DLG2: variants seen among roughly 807,000 people sequenced by gnomAD.
The protein encoded by DLG2 is discs large MAGUK scaffold protein 2.
Under a neutral mutation model 132.5 loss-of-function variants are expected in DLG2, and 45 were observed. That is an observed-to-expected ratio of 0.34 (90% CI 0.27 to 0.44). The LOEUF is 0.44. Among genes scored for constraint, DLG2 ranks in the 20% least tolerant of loss-of-function variants. The pLI, the probability that DLG2 is intolerant of heterozygous loss-of-function variation, is 1.00. For synonymous variants in DLG2, 424 were observed against 419.6 expected (o/e 1.01, Z -0.13); for missense variants, 1,045 against 1,196.9 (o/e 0.87, Z 1.87).
chr11:85,551,263 T>C (rs1394081406), intron 3 of DLG2, among the ~76,000 whole-genome samples: 3 of 152,280 alleles, frequency 2.0e-5, no homozygotes, highest in African/African-American at 4.8e-5. Flanking sequence ...AGAAGCAGAA[T>C]GGTTAAGCCA....
chr11:85,523,041 C>T (rs1565631093), intron 3 of DLG2, among the ~76,000 whole-genome samples: 3 of 152,064 alleles, frequency 2.0e-5, no homozygotes, highest in Non-Finnish European at 4.4e-5. Flanking sequence ...GTGTCCCCAC[C>T]CAAATGTCAT....
At chr11:85,254,784 A>C in intron 4 of DLG2, among the ~76,000 whole-genome samples, 1 of 152,108 alleles carries the variant, frequency 6.6e-6, no homozygotes. Context: ...GAGGATCATG[A>C]GGTCAGGAGA....
Position 83,484,244 on chromosome 11 carries a change from G to A in DLG2, c.2194-16C>T. On this transcript the variant is annotated splice_polypyrimidine_tract_variant and intron_variant, in intron 21 of 27. Transcript: ENST00000376104. ...CATTGAATGACTGTGAAGGAGAAAA[G>A]GCATGGGGCAAAAACAGGGGACGTC... The A allele has an allele frequency of 6.3e-7, 1 of 1,588,374 alleles. No homozygotes were observed. The highest frequency in any genetic ancestry group is 1.1e-5 in the South Asian group (1 of 89,586).
At chr11:84,041,510 T>C (rs2096078458) in intron 11 of DLG2, among the ~76,000 whole-genome samples, 1 of 151,938 alleles carries the variant, frequency 6.6e-6, no homozygotes, top group Non-Finnish European at 1.5e-5. Flanking sequence ...AAATGGCATC[T>C]TGTACTTTTA....
intron 6 of DLG2, among the ~76,000 whole-genome samples, chr11:84,574,310 A>C (rs891004678): frequency 6.6e-6 from 1 of 152,134 alleles, no homozygotes; most frequent in African/African-American, 2.4e-5. Context: ...TGTTATATAC[A>C]AGATGTTACA....
In DLG2 at chr11:84,691,656, C is replaced by CT. The variant is rs372270141; in HGVS notation, c.358-156926dup. ...CTATATTGTTATTAATTCAGTTTAG[C>CT]TTTTTTTTTTCTGGCTCAACTATAA... On this transcript the variant is annotated intron_variant, in intron 6 of 27. Coordinates refer to ENST00000376104, the MANE Select transcript of DLG2 (RefSeq NM_001142699.3). Among the ~76,000 whole-genome samples the CT allele has an allele frequency of 6.6e-4, 98 of 147,472 alleles. 1 individual carries two copies. The highest frequency in any genetic ancestry group is 5.8e-3 in the East Asian group (29 of 5,040).
At chr11:84,369,941 T>C (rs1163904243) in intron 7 of DLG2, among the ~76,000 whole-genome samples, 1 of 152,162 alleles carries the variant, frequency 6.6e-6, no homozygotes. Flanking sequence ...ACAGAAGCTA[T>C]TTCACTTGTT....
chr11:83,965,578 T>C, intron 12 of DLG2, 110 bp from the exon 13 acceptor site: 1 of 845,060 alleles, frequency 1.2e-6, no homozygotes, highest in Non-Finnish European at 1.8e-6. Context: ...CTGTCCAGTA[T>C]CCTTGACATA....
chr11:84,980,022 G>A (rs2055509837), intron 6 of DLG2, among the ~76,000 whole-genome samples: 1 of 151,794 alleles, frequency 6.6e-6, no homozygotes, highest in Non-Finnish European at 1.5e-5. Context: ...AGGTTTTCAA[G>A]GGTTTCAAAA....
At chr11:84,444,920 C>A (rs610289) in intron 7 of DLG2, among the ~76,000 whole-genome samples, 53,492 of 151,622 alleles carry the variant, frequency 0.35, 14,345 homozygotes, top group African/African-American at 0.75. Context: ...CTCCTGCCTC[C>A]GCCTCCCGAA....
intron 6 of DLG2, among the ~76,000 whole-genome samples, chr11:85,104,579 T>C (rs1489507781): frequency 6.6e-6 from 1 of 151,784 alleles, no homozygotes; most frequent in Non-Finnish European, 1.5e-5. Context: ...TGCTAATGGA[T>C]GTAGAGTTTC....
At chr11:83,535,792 A>T (rs2095864327) in intron 20 of DLG2, among the ~76,000 whole-genome samples, 2 of 152,212 alleles carry the variant, frequency 1.3e-5, no homozygotes, top group South Asian at 4.1e-4. Context: ...AAGTTGCAAC[A>T]TATAATTATT....
At chr11:84,363,921 T>G (rs1470226917) in intron 7 of DLG2, among the ~76,000 whole-genome samples, 1 of 152,156 alleles carries the variant, frequency 6.6e-6, no homozygotes, top group African/African-American at 2.4e-5. Flanking sequence ...AGCCTTGTAG[T>G]ATAGTTTGAA....
intron 19 of DLG2, among the ~76,000 whole-genome samples, chr11:83,588,053 G>C: frequency 6.6e-6 from 1 of 152,336 alleles, no homozygotes; most frequent in Non-Finnish European, 1.5e-5. Context: ...AGCGAGGCTA[G>C]GGGAGGGGCG....
chr11:83,724,474 T>TGAGAGAGA lies in DLG2; in HGVS notation c.1825+62215_1825+62216insTCTCTCTC, dbSNP rs780541498. On this transcript the variant is annotated intron_variant, in intron 18 of 27. Transcript: ENST00000376104. Reference sequence around the variant, plus strand: ...CTCTCTCTCCGTGTGTGTGTGTGTGTGTGAGAGAGAGAGAGAGAGAGAGAG... The same window carrying TGAGAGAGA: ...CTCTCTCTCCGTGTGTGTGTGTGTGTGAGAGAGAGTGAGAGAGAGAGAGAGAGAGAGAG... 6.1e-3 allele frequency among the ~76,000 whole-genome samples: 632 copies of TGAGAGAGA among 103,352 alleles called. 1 individual carries two copies. Among genetic ancestry groups the TGAGAGAGA allele is most frequent in the African/African-American group, 0.011 (304 of 28,586 alleles). 67.8% of individuals were successfully genotyped at this position (103,352 alleles called of 152,430 possible). A position where few individuals can be genotyped will look rare whatever the true frequency, so the allele number is the denominator to read the frequency against.
At position 84,971,712 on chromosome 11, in the gene DLG2, C is replaced by A. The variant is rs1592037663; in HGVS notation, c.357+139949G>T. 2.0e-5 allele frequency among the ~76,000 whole-genome samples: 3 copies of A among 151,950 alleles called. No individual in the cohort carries two copies. The South Asian group carries it at 6.2e-4, about 32-fold the overall frequency. On this transcript the variant is annotated intron_variant, in intron 6 of 27. Coordinates refer to ENST00000376104, the MANE Select transcript of DLG2 (RefSeq NM_001142699.3). ...GGTAATTCTTTGATGGTATCAAAAG[C>A]CCTACAGTCATGTTAAATGACCTAG...
intron 3 of DLG2, among the ~76,000 whole-genome samples, chr11:85,588,081 G>GTTT (rs1263987724): frequency 6.6e-6 from 1 of 152,130 alleles, no homozygotes; most frequent in African/African-American, 2.4e-5. Context: ...AATCTGATAG[G>GTTT]TTTTCCTTTA....
At chr11:85,404,354 G>A (rs2088505065) in intron 3 of DLG2, among the ~76,000 whole-genome samples, 1 of 151,942 alleles carries the variant, frequency 6.6e-6, no homozygotes, top group South Asian at 2.1e-4. Context: ...AAGAAGATTA[G>A]CCATCAAAAG....
chr11:84,754,985 G>C (rs932681065), intron 6 of DLG2, among the ~76,000 whole-genome samples: 10 of 152,126 alleles, frequency 6.6e-5, no homozygotes, highest in Non-Finnish European at 1.5e-4. Flanking sequence ...TGAATTAAAG[G>C]CTTAGATAAT....
Sources: gnomAD v4.1 joint callset for allele counts (sites outside exome capture counted in the v4.1 genomes callset) on GRCh38, gnomAD v4.1.1 for gene constraint, MANE v1.5 for transcripts, NCBI Gene and HGNC (gene_info 2026-07-23, HGNC 2026-07-21) for gene names.